Variants in RABGAP1L observed in about 807,000 individuals in gnomAD.
The protein encoded by RABGAP1L is RAB GTPase activating protein 1 like.
A neutral mutation model predicts 137.7 loss-of-function variants in RABGAP1L; 63 were observed. The ratio of observed to expected loss-of-function variants is 0.46; its 90% CI spans 0.37 to 0.56. The LOEUF (loss-of-function observed/expected upper bound fraction) is 0.56, where lower values mean the gene tolerates loss of function less well. Ranked by LOEUF, RABGAP1L falls within the 20% of genes least tolerant of loss-of-function variation. RABGAP1L has a pLI of 0.00. For missense variants in RABGAP1L, 1,095 were observed against 1,244.0 expected, an observed-to-expected ratio of 0.88 and a Z score of 1.80; for synonymous variants, 431 against 433.7, an observed-to-expected ratio of 0.99 and a Z score of 0.08.
chr1:174,383,452 C>G lies in RABGAP1L; in HGVS notation c.1560-10543C>G, dbSNP rs184350086. 4.6e-5 allele frequency among the ~76,000 whole-genome samples: 7 copies of G among 152,126 alleles called. No individual in the cohort carries two copies. The East Asian group carries it at 1.4e-3, about 29-fold the overall frequency. ...CTAGCAATCAGCGAGATTCCGTTGG[C>G]GTAGGACCCTCTGAGCCAGGTGTGG... On this transcript the variant is annotated intron_variant, in intron 12 of 25. Coordinates refer to ENST00000681986, the MANE Select transcript of RABGAP1L (RefSeq NM_001366446.1).
At chr1:174,740,820 T>A (rs1683333330) in intron 17 of RABGAP1L, among the ~76,000 whole-genome samples, 1 of 152,166 alleles carries the variant, frequency 6.6e-6, no homozygotes, top group Non-Finnish European at 1.5e-5. Context: ...TGATGATTCA[T>A]GAGGTTGAAC....
chr1:174,420,691 T>TG (rs1184583890), intron 13 of RABGAP1L, among the ~76,000 whole-genome samples: 1 of 151,216 alleles, frequency 6.6e-6, no homozygotes, highest in Non-Finnish European at 1.5e-5. Flanking sequence ...TTTTTTTTTT[T>TG]TGAGACGGAG....
At chr1:174,490,180 A>G (rs1412009157) in intron 13 of RABGAP1L, among the ~76,000 whole-genome samples, 1 of 151,842 alleles carries the variant, frequency 6.6e-6, no homozygotes, top group Non-Finnish European at 1.5e-5. Flanking sequence ...AGGGTTAGGT[A>G]TTTATTGTAG....
chr1:174,370,933 G>A, intron 11 of RABGAP1L, 46 bp from the exon 12 acceptor site: 2 of 1,029,872 alleles, frequency 1.9e-6, no homozygotes, highest in East Asian at 2.6e-5. Flanking sequence ...AGTATCTACT[G>A]TAATATATAA....
rs920377827 is a variant in RABGAP1L, at chr1:174,740,005, G to T, written c.2170-12308G>T. Reference sequence around the variant, plus strand: ...CTTAGGCTCCTTAGCGATCCTCAGGGTATATTATTATGATTCTTAAAGTTC... The same window carrying T: ...CTTAGGCTCCTTAGCGATCCTCAGGTTATATTATTATGATTCTTAAAGTTC... On this transcript the variant is annotated intron_variant, in intron 17 of 25. Transcript: ENST00000681986. 7.9e-5 allele frequency among the ~76,000 whole-genome samples: 12 copies of T among 152,216 alleles called. No homozygotes were observed. In the East Asian group the frequency reaches 1.9e-3, roughly 25 times the overall value.
chr1:174,632,627 C>T (rs1400052027), intron 13 of RABGAP1L, among the ~76,000 whole-genome samples: 5 of 150,034 alleles, frequency 3.3e-5, no homozygotes, highest in African/African-American at 5.0e-5. Flanking sequence ...TCCCTTCTCG[C>T]TTCATTTCAT....
At chr1:174,832,693 T>C (rs1324191459) in intron 19 of RABGAP1L, among the ~76,000 whole-genome samples, 1 of 152,162 alleles carries the variant, frequency 6.6e-6, no homozygotes, top group Non-Finnish European at 1.5e-5. Context: ...CAGCCACTAC[T>C]GGCTACCTTC....
At chr1:174,231,639 G>T (rs1017638881) in intron 4 of RABGAP1L, among the ~76,000 whole-genome samples, 31 of 152,188 alleles carry the variant, frequency 2.0e-4, no homozygotes, top group African/African-American at 6.8e-4. Context: ...GAAACATGAT[G>T]CTGGCCATCT....
chr1:174,951,600 A>G (rs1027731321), intron 19 of RABGAP1L, among the ~76,000 whole-genome samples: 2 of 152,152 alleles, frequency 1.3e-5, no homozygotes, highest in East Asian at 3.9e-4. Context: ...CTTTATTGAT[A>G]GTTTAGCTCA....
chr1:174,601,153 G>A (rs1670378737), intron 13 of RABGAP1L, among the ~76,000 whole-genome samples: 1 of 152,192 alleles, frequency 6.6e-6, no homozygotes, highest in African/African-American at 2.4e-5. Flanking sequence ...TTTCAGCCAG[G>A]GCTGGAGTGG....
intron 7 of RABGAP1L, among the ~76,000 whole-genome samples, chr1:174,258,579 A>G (rs1673314342): frequency 6.6e-6 from 1 of 152,186 alleles, no homozygotes; most frequent in African/African-American, 2.4e-5. Context: ...CTGGGATTAT[A>G]GGCGTGAGCC....
At chr1:174,482,634 G>A (rs573404880) in intron 13 of RABGAP1L, among the ~76,000 whole-genome samples, 3 of 152,226 alleles carry the variant, frequency 2.0e-5, no homozygotes, top group East Asian at 3.9e-4. Context: ...AATTACAAGT[G>A]TGCCACGTAA....
chr1:174,626,223 T>A (rs1281758233), intron 13 of RABGAP1L, among the ~76,000 whole-genome samples: 2 of 152,176 alleles, frequency 1.3e-5, no homozygotes, highest in Non-Finnish European at 2.9e-5. Flanking sequence ...CCCCACATGT[T>A]TGTGGTAGAC....
At chr1:174,739,402 T>C (rs1265694420) in intron 17 of RABGAP1L, among the ~76,000 whole-genome samples, 3 of 152,236 alleles carry the variant, frequency 2.0e-5, no homozygotes, top group African/African-American at 7.2e-5. Flanking sequence ...TTGTAGATTT[T>C]ACATATCCCT....
chr1:174,906,651 A>ATAATAG (rs1275894913), intron 19 of RABGAP1L, among the ~76,000 whole-genome samples: 5 of 151,852 alleles, frequency 3.3e-5, no homozygotes, highest in Non-Finnish European at 7.4e-5. Context: ...TAATATAATA[A>ATAATAG]TAATAGTAAT....
rs535430742 is a variant in RABGAP1L at position 174,281,138 on chromosome 1, A to G, written c.1323+2359A>G. On this transcript the variant is annotated intron_variant, in intron 10 of 25. Coordinates refer to ENST00000681986, the MANE Select transcript of RABGAP1L (RefSeq NM_001366446.1). ...CGGACCCAAAGAGTGAGCAACAGCA[A>G]GATTTACTGTGAAGAGCAAAAGAAC... 5.3e-5 allele frequency among the ~76,000 whole-genome samples: 8 copies of G among 152,286 alleles called. No individual in the cohort carries two copies. In the South Asian group the frequency reaches 1.2e-3, roughly 24 times the overall value.
At chr1:174,553,872 G>T (rs1187311529) in intron 13 of RABGAP1L, among the ~76,000 whole-genome samples, 3 of 152,164 alleles carry the variant, frequency 2.0e-5, no homozygotes, top group African/African-American at 7.2e-5. Flanking sequence ...CACACCTGTA[G>T]TCCCAGCTCC....
chr1:174,541,918 T>C (rs1398072750), intron 13 of RABGAP1L, among the ~76,000 whole-genome samples: 1 of 152,244 alleles, frequency 6.6e-6, no homozygotes, highest in Non-Finnish European at 1.5e-5. Context: ...TATGTTGAAC[T>C]AGCCTTGCAT....
At chr1:174,936,864 A>G (rs138900863) in intron 19 of RABGAP1L, among the ~76,000 whole-genome samples, 107 of 152,264 alleles carry the variant, frequency 7.0e-4, no homozygotes, top group African/African-American at 2.4e-3. Flanking sequence ...TTATATAATT[A>G]CATGTTACAC....
Sources: gnomAD v4.1 joint callset for allele counts (sites outside exome capture counted in the v4.1 genomes callset) on GRCh38, gnomAD v4.1.1 for gene constraint, MANE v1.5 for transcripts, NCBI Gene and HGNC (gene_info 2026-07-23, HGNC 2026-07-21) for gene names.